Variants in DSC3 observed in about 807,000 individuals in gnomAD.
DSC3 encodes the protein desmocollin-3.
DSC3 carries 97 observed loss-of-function variants against 89.5 expected under a neutral mutation model. The observed-to-expected ratio is 1.08, with a 90% confidence interval of 0.92 to 1.28. DSC3 has a LOEUF of 1.28. Ranked by LOEUF, DSC3 falls within the 50% of genes most tolerant of loss-of-function variation. DSC3 has a pLI of 0.00. For synonymous variants in DSC3, 436 were observed against 384.1 expected, an observed-to-expected ratio of 1.14 and a Z score of -1.58; for missense variants, 1,199 against 1,085.3, an observed-to-expected ratio of 1.10 and a Z score of -1.47.
At chr18:31,000,045 T>C (rs1984600842) in intron 14 of DSC3, among the ~76,000 whole-genome samples, 1 of 152,082 alleles carries the variant, frequency 6.6e-6, no homozygotes, top group Non-Finnish European at 1.5e-5. Flanking sequence ...GGATTAAACC[T>C]GCTTTCTCGC....
In DSC3 at chr18:30,996,900, G is replaced by GC. The variant is rs752923110; in HGVS notation, c.2383dup (p.Ala795GlyfsTer37). On this transcript the variant is annotated frameshift_variant, in exon 15 of 16. Coordinates refer to ENST00000360428, the MANE Select transcript of DSC3 (RefSeq NM_001941.5). LOFTEE classifies it high-confidence loss of function. Reference sequence around the variant, plus strand: ...GGAGTCCAGGGTATGATGATGCCCAGCCCCCCGGCAGGATTCCAAGGTCTG... The same window carrying GC: ...GGAGTCCAGGGTATGATGATGCCCAGCCCCCCCGGCAGGATTCCAAGGTCTG... 202 of 1,613,722 alleles carry GC rather than the reference G, an allele frequency of 1.3e-4. 3 individuals carry two copies. The South Asian group carries it at 2.0e-3, about 16-fold the overall frequency.
Position 30,992,777 on chromosome 18 carries a change from T to G in DSC3, c.*1398A>C, listed in dbSNP as rs1984313983. On this transcript the variant is annotated 3_prime_UTR_variant, in exon 16 of 16. Transcript: ENST00000360428. ...TAAAATTTCTCTGGAGAAAGCAAAC[T>G]GATTAAAAATTAATTCACGCTGAAG... The G allele has an allele frequency of 6.6e-6, 1 of 152,216 alleles. No individual in the cohort carries two copies. Among genetic ancestry groups the G allele is most frequent in the Admixed American group, 6.5e-5 (1 of 15,286 alleles). 9.4% of individuals were successfully genotyped at this position (152,216 alleles called of 1,614,324 possible).
intron 4 of DSC3, among the ~76,000 whole-genome samples, chr18:31,026,384 A>G (rs1024991351): frequency 6.6e-6 from 1 of 152,082 alleles, no homozygotes; most frequent in African/African-American, 2.4e-5. Context: ...AAACCACTGG[A>G]GAATTTAGAC....
chr18:31,026,359 T>G (rs936919513), intron 4 of DSC3, among the ~76,000 whole-genome samples: 2 of 152,098 alleles, frequency 1.3e-5, no homozygotes, highest in Non-Finnish European at 2.9e-5. Context: ...TGGCTTTTCC[T>G]TGGAGTCTAA....
intron 7 of DSC3, among the ~76,000 whole-genome samples, chr18:31,021,068 T>C (rs1386907508): frequency 6.6e-6 from 1 of 151,406 alleles, no homozygotes; most frequent in African/African-American, 2.4e-5. Context: ...TTTTTTTTTT[T>C]ATCTCCCATC....
Position 31,018,219 on chromosome 18 carries a change from T to A in DSC3, c.1115A>T (p.Glu372Val). The change falls in exon 9 of 16, where the codon GAA becomes GTA. Residue 372 changes from glutamate (E) to valine (V), a missense_variant. By Grantham distance (121) the Glu-to-Val change is moderately radical. Transcript: ENST00000360428. ...ATCTTCTATAGGTATTCGTAAGATT[T>A]CCACATTGAATGCATTTTCCTCTAC... The part of the protein sequence containing the change: ...AFVEENAFNV[E>V]ILRIPIEDKD... 6.2e-7 allele frequency: 1 copy of A among 1,612,070 alleles called. No homozygotes were observed. The highest frequency in any genetic ancestry group is 8.5e-7 in the Non-Finnish European group (1 of 1,179,130).
At chr18:31,007,888 CAGAA>C (rs1278573405) in intron 11 of DSC3, 124 bp downstream of exon 11, 10 of 876,926 alleles carry the variant, frequency 1.1e-5, no homozygotes, top group East Asian at 2.7e-5. Flanking sequence ...TTAAGAGAGA[CAGAA>C]AGAGTCTTTA....
At chr18:31,029,675 G>C (rs779124337) in intron 3 of DSC3, 47 bp from the exon 4 acceptor site, 2 of 1,610,962 alleles carry the variant, frequency 1.2e-6, no homozygotes, top group South Asian at 1.1e-5. Context: ...AAGCATCACA[G>C]TCTACTTTGT....
At position 31,031,095 on chromosome 18, in the gene DSC3, A is replaced by AC. The variant is rs1985774785; in HGVS notation, c.231dup (p.Ser78ValfsTer12). Reference sequence around the variant, plus strand: ...GCAACAGCCCTGGCTGTGTACACTGACCCATCATTTAGAACTCTGAAATCA... The same window carrying AC: ...GCAACAGCCCTGGCTGTGTACACTGACCCCATCATTTAGAACTCTGAAATCA... On this transcript the variant is annotated frameshift_variant, in exon 3 of 16. Transcript: ENST00000360428. LOFTEE classifies it high-confidence loss of function. The AC allele has an allele frequency of 6.2e-7, 1 of 1,613,564 alleles. No individual in the cohort carries two copies. The highest frequency in any genetic ancestry group is 1.3e-5 in the African/African-American group (1 of 74,960).
intron 11 of DSC3, 53 bp downstream of exon 11, chr18:31,007,963 C>A: frequency 6.8e-7 from 1 of 1,469,808 alleles, no homozygotes; most frequent in Non-Finnish European, 9.5e-7. Context: ...AGAATAATTA[C>A]ATTTTATTCT....
In DSC3 at chr18:31,025,845, G is replaced by T. The variant is rs776850837; in HGVS notation, c.545C>A (p.Pro182His). 5.0e-6 allele frequency: 8 copies of T among 1,612,858 alleles called. No homozygotes were observed. Among genetic ancestry groups the T allele is most frequent in the South Asian group, 2.2e-5 (2 of 91,044 alleles). The change falls in exon 5 of 16, where the codon CCT becomes CAT. Residue 182 changes from proline (P) to histidine (H), a missense_variant. Physicochemically the swap from Pro to His is moderately conservative, Grantham distance 77. Transcript: ENST00000360428. ...SISGRGVDKEPLNLFYIERDT... is the reference protein window; with the variant it reads ...SISGRGVDKEHLNLFYIERDT... The stretch of plus-strand genomic sequence containing the variant: ...TCTTTCTATATAAAACAAATTTAAA[G>T]GTTCTTTATCAACTCCACGTCCACT...
intron 11 of DSC3, among the ~76,000 whole-genome samples, 154 bp downstream of exon 11, chr18:31,007,862 T>A (rs530819251): frequency 6.6e-6 from 1 of 152,214 alleles, no homozygotes; most frequent in Non-Finnish European, 1.5e-5. Flanking sequence ...CCAAACAGTT[T>A]CACCTTGTTA....
intron 1 of DSC3, among the ~76,000 whole-genome samples, chr18:31,033,126 A>G (rs748502368): frequency 3.9e-5 from 6 of 152,200 alleles, no homozygotes; most frequent in Non-Finnish European, 8.8e-5. Context: ...ATAATATTAT[A>G]CACTGAAAAC....
intron 14 of DSC3, 140 bp from the exon 15 acceptor site, chr18:30,997,188 TA>T: frequency 9.2e-7 from 1 of 1,088,152 alleles, no homozygotes; most frequent in Non-Finnish European, 1.3e-6. Context: ...TATCAGTTTC[TA>T]ATTATGTGCC....
intron 15 of DSC3, among the ~76,000 whole-genome samples, chr18:30,995,996 A>AAAAAAG (rs1555631968): frequency 2.2e-5 from 3 of 136,408 alleles, no homozygotes; most frequent in African/African-American, 6.0e-5. Context: ...AAAAAAAAAA[A>AAAAAAG]AAAGAAAAGA....
chr18:31,020,446 T>A (rs983831524), intron 7 of DSC3, among the ~76,000 whole-genome samples: 10 of 152,154 alleles, frequency 6.6e-5, no homozygotes, highest in African/African-American at 2.4e-4. Flanking sequence ...GCTGTTAGAT[T>A]TGCAAAAAAT....
intron 14 of DSC3, among the ~76,000 whole-genome samples, chr18:30,998,430 T>C (rs888809038): frequency 6.6e-6 from 1 of 152,134 alleles, no homozygotes; most frequent in Non-Finnish European, 1.5e-5. Flanking sequence ...AGTTTGAACA[T>C]GGTAAACATT....
At chr18:31,042,514 G>C (rs1986166909) in intron 1 of DSC3, 78 bp downstream of exon 1, 2 of 1,431,234 alleles carry the variant, frequency 1.4e-6, no homozygotes, top group Non-Finnish European at 9.6e-7. Context: ...GGCCCGCTTT[G>C]TCCCCAGCTC....
intron 1 of DSC3, among the ~76,000 whole-genome samples, chr18:31,040,623 C>T (rs745483174): frequency 6.6e-6 from 1 of 152,158 alleles, no homozygotes; most frequent in Non-Finnish European, 1.5e-5. Flanking sequence ...ACCTGTTGGG[C>T]TGCTTACTGG....
Sources: gnomAD v4.1 joint callset for allele counts (sites outside exome capture counted in the v4.1 genomes callset) on GRCh38, gnomAD v4.1.1 for gene constraint, MANE v1.5 for transcripts, NCBI Gene and HGNC (gene_info 2026-07-23, HGNC 2026-07-21) for gene names.